PLD5: variants seen among roughly 807,000 people sequenced by gnomAD.
The protein encoded by PLD5 is phospholipase D family member 5.
PLD5 carries 36 observed loss-of-function variants against 61.1 expected under a neutral mutation model. The ratio of observed to expected loss-of-function variants is 0.59; its 90% confidence interval spans 0.45 to 0.78. The LOEUF (loss-of-function observed/expected upper bound fraction) is 0.78, where lower values mean the gene tolerates loss of function less well. Ranked by LOEUF, PLD5 falls within the 30% of genes least tolerant of loss-of-function variation. PLD5 has a pLI of 0.00. For synonymous variants in PLD5, 243 were observed against 242.8 expected (o/e 1.00, Z -0.01); for missense variants, 515 against 644.4 (o/e 0.80, Z 2.17).
intron 8 of PLD5, among the ~76,000 whole-genome samples, chr1:242,102,826 G>A (rs1343673762): frequency 6.6e-6 from 1 of 152,064 alleles, no homozygotes; most frequent in African/African-American, 2.4e-5. Context: ...ATGGCTATAT[G>A]TGAACTACTA....
chr1:242,281,276 C>G (rs1809946), intron 3 of PLD5, among the ~76,000 whole-genome samples: 147,701 of 152,292 alleles, frequency 0.97, 71,706 homozygotes, highest in Middle Eastern at 0.99. Flanking sequence ...GCATTGATCG[C>G]ATCAGTTAGG....
intron 5 of PLD5, among the ~76,000 whole-genome samples, chr1:242,174,102 T>C (rs1666954975): frequency 6.6e-6 from 1 of 151,900 alleles, no homozygotes; most frequent in Admixed American, 6.6e-5. Context: ...ACCATCAGAG[T>C]GAACAGGCAA....
intron 2 of PLD5, among the ~76,000 whole-genome samples, chr1:242,320,793 C>T (rs962983352): frequency 7.9e-5 from 12 of 152,306 alleles, no homozygotes; most frequent in Middle Eastern, 3.4e-3. Flanking sequence ...AATCTAATAG[C>T]AGGTCCCACT....
rs373434940 is a variant in PLD5, at chr1:242,094,055, G to A, written c.1355-3945C>T. Among the ~76,000 whole-genome samples the A allele has an allele frequency of 3.0e-3, 460 of 151,962 alleles. 3 individuals are homozygous for A. Among genetic ancestry groups the A allele is most frequent in the African/African-American group, 7.7e-3 (320 of 41,432 alleles). Reference sequence around the variant, plus strand: ...CTCTTCTACCTTTCACTTCCTGACCGTCTGGCTTGACTTCAAAATCACATA... The same window carrying A: ...CTCTTCTACCTTTCACTTCCTGACCATCTGGCTTGACTTCAAAATCACATA... On this transcript the variant is annotated intron_variant, in intron 9 of 9. Transcript: ENST00000536534.
chr1:242,447,914 TA>T (rs1205440301), intron 1 of PLD5, among the ~76,000 whole-genome samples: 6 of 152,164 alleles, frequency 3.9e-5, no homozygotes, highest in Admixed American at 1.3e-4. Flanking sequence ...TTATAATCCT[TA>T]AAGGAATGTT....
Position 242,085,486 on chromosome 1 carries a change from C to G in PLD5, c.*4368G>C, listed in dbSNP as rs1322255204. On this transcript the variant is annotated 3_prime_UTR_variant, in exon 10 of 10. Transcript: ENST00000536534. ...GATGTCAGGGCTATTCAAAAGCCTC[C>G]GTCCATTTAAGTCAATAAGGTGAAA... is the stretch of plus-strand genomic sequence containing the variant. The G allele has an allele frequency of 6.6e-6, 1 of 152,028 alleles. No homozygotes were observed. Among genetic ancestry groups the G allele is most frequent in the Non-Finnish European group, 1.5e-5 (1 of 68,022 alleles). 9.4% of individuals were successfully genotyped at this position (152,028 alleles called of 1,614,324 possible). A position where few individuals can be genotyped will look rare whatever the true frequency, so the allele number is the denominator to read the frequency against.
At chr1:242,096,939 C>T (rs1466485008) in intron 9 of PLD5, among the ~76,000 whole-genome samples, 2 of 151,018 alleles carry the variant, frequency 1.3e-5, no homozygotes, top group Admixed American at 6.6e-5. Flanking sequence ...GTGATGTTCC[C>T]CTTCCTGTGT....
chr1:242,288,319 G>A (rs1369211345), intron 3 of PLD5, 43 bp downstream of exon 3: 1 of 1,587,702 alleles, frequency 6.3e-7, no homozygotes, highest in Non-Finnish European at 8.5e-7. Context: ...AGTGGAAAAT[G>A]CACATAAGTA....
intron 2 of PLD5, among the ~76,000 whole-genome samples, chr1:242,319,844 CCT>C (rs1658270092): frequency 6.6e-6 from 1 of 152,214 alleles, no homozygotes; most frequent in South Asian, 2.1e-4. Context: ...TCCTCTACCC[CCT>C]CTCACATGTA....
intron 1 of PLD5, among the ~76,000 whole-genome samples, chr1:242,380,566 T>C (rs1275634795): frequency 6.6e-6 from 1 of 152,188 alleles, no homozygotes; most frequent in Non-Finnish European, 1.5e-5. Context: ...TGCATTTATT[T>C]TGACATTTAT....
chr1:242,518,243 C>T (rs2654901), intron 1 of PLD5, among the ~76,000 whole-genome samples: 57,074 of 151,942 alleles, frequency 0.38, 10,940 homozygotes, highest in African/African-American at 0.4. Context: ...TTTTTCTTTC[C>T]GAGTAAAATT....
At chr1:242,507,923 T>C (rs901380811) in intron 1 of PLD5, among the ~76,000 whole-genome samples, 38 of 152,344 alleles carry the variant, frequency 2.5e-4, no homozygotes, top group Middle Eastern at 6.8e-3. Context: ...GTAGGACTTA[T>C]TATTCTCTCT....
At chr1:242,435,048 T>G (rs1353625168) in intron 1 of PLD5, among the ~76,000 whole-genome samples, 2 of 83,532 alleles carry the variant, frequency 2.4e-5, no homozygotes, top group Non-Finnish European at 4.3e-5. Flanking sequence ...CCAGCCCTTG[T>G]TTTTTTTTTA....
chr1:242,172,008 T>A (rs1666787032), intron 5 of PLD5, among the ~76,000 whole-genome samples: 2 of 151,820 alleles, frequency 1.3e-5, no homozygotes, highest in African/African-American at 4.8e-5. Context: ...ACGAAGATAT[T>A]CAGGACTTTA....
chr1:242,315,565 TTGAAA>T lies in PLD5; in HGVS notation c.327-27040_327-27036del, dbSNP rs1327959189. 1.2e-4 allele frequency among the ~76,000 whole-genome samples: 19 copies of T among 152,308 alleles called. 1 individual carries two copies. In the East Asian group the frequency reaches 3.7e-3, roughly 29 times the overall value. ...AGGATTCAATATTTATATTATTGAA[TTGAAA>T]TAATAATGCAGTTCCAGTGGGTATT... On this transcript the variant is annotated intron_variant, in intron 2 of 9. Transcript: ENST00000536534.
At chr1:242,278,369 T>C (rs1172541766) in intron 3 of PLD5, among the ~76,000 whole-genome samples, 1 of 152,212 alleles carries the variant, frequency 6.6e-6, no homozygotes, top group East Asian at 1.9e-4. Context: ...CATGGCCATA[T>C]GATTGGATTT....
intron 2 of PLD5, among the ~76,000 whole-genome samples, chr1:242,302,356 T>C (rs1402543895): frequency 6.6e-6 from 1 of 152,160 alleles, no homozygotes; most frequent in South Asian, 2.1e-4. Flanking sequence ...TCGTCACCTC[T>C]CCAAAAATGT....
intron 1 of PLD5, among the ~76,000 whole-genome samples, chr1:242,481,883 G>A (rs950022154): frequency 1.5e-4 from 23 of 152,310 alleles, no homozygotes; most frequent in African/African-American, 5.5e-4. Flanking sequence ...CGATCAGGCA[G>A]CAACATTTGC....
intron 1 of PLD5, among the ~76,000 whole-genome samples, chr1:242,489,975 G>C (rs973826461): frequency 6.6e-6 from 1 of 152,196 alleles, no homozygotes; most frequent in African/African-American, 2.4e-5. Context: ...CTTGACTGAA[G>C]CAGAGAGAAA....
Sources: allele counts gnomAD v4.1 joint callset (sites outside exome capture counted in the v4.1 genomes callset), GRCh38; gene constraint gnomAD v4.1.1; transcripts MANE v1.5; gene names NCBI Gene and HGNC (gene_info 2026-07-23, HGNC 2026-07-21).